Variants in GRIK1 observed in about 807,000 individuals in gnomAD.
GRIK1 encodes the protein glutamate ionotropic receptor kainate type subunit 1.
Under a neutral mutation model 105.7 loss-of-function variants are expected in GRIK1, and 69 were observed. That is an observed-to-expected ratio of 0.65 (90% CI 0.54 to 0.80). The LOEUF (loss-of-function observed/expected upper bound fraction) is 0.80, where lower values mean the gene tolerates loss of function less well. Among genes scored for constraint, GRIK1 ranks in the 30% least tolerant of loss-of-function variants. GRIK1 has a pLI of 0.00. For synonymous variants in GRIK1, 438 were observed against 431.3 expected (o/e 1.02, Z -0.19); for missense variants, 1,109 against 1,167.3 (o/e 0.95, Z 0.73).
chr21:29,867,961 TGA>T (rs2068879869), intron 1 of GRIK1, among the ~76,000 whole-genome samples: 1 of 52,630 alleles, frequency 1.9e-5, no homozygotes, highest in Non-Finnish European at 3.6e-5. Context: ...AGAGAGAAAA[TGA>T]GAGAGAAAAA....
At chr21:29,875,077 A>G (rs2069147493) in intron 1 of GRIK1, among the ~76,000 whole-genome samples, 1 of 143,978 alleles carries the variant, frequency 6.9e-6, no homozygotes, top group African/African-American at 2.5e-5. Context: ...TCTTTTTCTC[A>G]TTTTCTCCAA....
intron 7 of GRIK1, among the ~76,000 whole-genome samples, chr21:29,630,283 G>A (rs2062236501): frequency 6.6e-6 from 1 of 152,168 alleles, no homozygotes; most frequent in Non-Finnish European, 1.5e-5. Context: ...ATTCTGAGAT[G>A]AACCTCTGTG....
At chr21:29,804,772 A>G (rs1195158111) in intron 1 of GRIK1, among the ~76,000 whole-genome samples, 1 of 152,182 alleles carries the variant, frequency 6.6e-6, no homozygotes, top group East Asian at 1.9e-4. Context: ...GTGTGTGTAA[A>G]AAGAAAGGTA....
At position 29,607,293 on chromosome 21, in the gene GRIK1, A is replaced by T. The variant is rs559030778; in HGVS notation, c.1099-8356T>A. Among the ~76,000 whole-genome samples the T allele has an allele frequency of 3.9e-4, 60 of 151,970 alleles. 1 individual carries two copies. The highest frequency in any genetic ancestry group is 1.4e-3 in the Admixed American group (21 of 15,234). On this transcript the variant is annotated intron_variant, in intron 7 of 17. Transcript: ENST00000327783. The stretch of plus-strand genomic sequence containing the variant: ...TCAGGTTCACTGGAAATGACAACCA[A>T]CCTTTCTGTCCTCCTGAGTTATTGT...
rs529445731 is a variant in GRIK1 at position 29,780,567 on chromosome 21, C to A, written c.119-86504G>T. On this transcript the variant is annotated intron_variant, in intron 1 of 17. Coordinates refer to ENST00000327783, the MANE Select transcript of GRIK1 (RefSeq NM_001330994.2). ...AGTAGCGGAGAATTTGCTAGGTATC[C>A]CTGCCTGCGACAATAGAAACAGAAG... 4.6e-5 allele frequency among the ~76,000 whole-genome samples: 7 copies of A among 152,244 alleles called. No individual in the cohort carries two copies. The South Asian group carries it at 1.2e-3, about 27-fold the overall frequency.
At chr21:29,766,307 G>T (rs989497731) in intron 1 of GRIK1, among the ~76,000 whole-genome samples, 1 of 152,118 alleles carries the variant, frequency 6.6e-6, no homozygotes, top group East Asian at 1.9e-4. Flanking sequence ...CTACATTTTG[G>T]CATTATCTGA....
At chr21:29,805,145 C>T (rs1480860649) in intron 1 of GRIK1, among the ~76,000 whole-genome samples, 1 of 152,102 alleles carries the variant, frequency 6.6e-6, no homozygotes, top group Non-Finnish European at 1.5e-5. Context: ...ACCACCCCTC[C>T]ACCCCCTGCA....
intron 15 of GRIK1, among the ~76,000 whole-genome samples, chr21:29,560,325 TTCTTTCTTTCTTTCTTTC>T (rs2090373629): frequency 8.1e-6 from 1 of 122,950 alleles, no homozygotes; most frequent in Non-Finnish European, 1.6e-5. Context: ...CTTTCTTTCT[TTCTTTCTTTCTTTCTTTC>T]TTTCTTTCTT....
intron 11 of GRIK1, among the ~76,000 whole-genome samples, 189 bp from the exon 12 acceptor site, chr21:29,587,778 A>G (rs540039312): frequency 2.6e-5 from 4 of 152,230 alleles, no homozygotes; most frequent in African/African-American, 9.6e-5. Flanking sequence ...ATCAGCAAAG[A>G]GAAACCAGAA....
At chr21:29,703,274 G>A (rs573506879) in intron 1 of GRIK1, among the ~76,000 whole-genome samples, 63 of 152,318 alleles carry the variant, frequency 4.1e-4, no homozygotes, top group African/African-American at 1.4e-3. Context: ...AGGAAGAAAG[G>A]TAAAACCATT....
intron 12 of GRIK1, among the ~76,000 whole-genome samples, chr21:29,586,075 G>A (rs915474695): frequency 6.6e-6 from 1 of 152,148 alleles, no homozygotes; most frequent in African/African-American, 2.4e-5. Flanking sequence ...AATCCCTCCT[G>A]GTTGAGAACC....
chr21:29,565,163 C>A (rs1002378108), intron 14 of GRIK1, among the ~76,000 whole-genome samples: 5 of 152,176 alleles, frequency 3.3e-5, no homozygotes, highest in South Asian at 2.1e-4. Context: ...ATTCCTTTGA[C>A]CCCTTGCTAT....
chr21:29,744,054 C>G (rs944825568), intron 1 of GRIK1, among the ~76,000 whole-genome samples: 1 of 152,124 alleles, frequency 6.6e-6, no homozygotes, highest in African/African-American at 2.4e-5. Context: ...TGTAATCAAC[C>G]TGCACTTGTA....
chr21:29,572,168 C>G (rs1046582030), intron 14 of GRIK1, among the ~76,000 whole-genome samples: 1 of 152,090 alleles, frequency 6.6e-6, no homozygotes. Context: ...GCAAAAAAGC[C>G]GAAACTTTTC....
At chr21:29,719,477 G>A (rs1394047648) in intron 1 of GRIK1, among the ~76,000 whole-genome samples, 1 of 152,020 alleles carries the variant, frequency 6.6e-6, no homozygotes, top group East Asian at 1.9e-4. Context: ...ACATTTCTTT[G>A]TAAAAAATAT....
chr21:29,714,941 T>G (rs1329994383), intron 1 of GRIK1, among the ~76,000 whole-genome samples: 1 of 152,176 alleles, frequency 6.6e-6, no homozygotes, highest in Non-Finnish European at 1.5e-5. Context: ...CAATACCTAA[T>G]CTTTCAGAAT....
intron 1 of GRIK1, among the ~76,000 whole-genome samples, chr21:29,905,619 A>ATTTTT (rs869179451): frequency 2.2e-4 from 16 of 72,578 alleles, no homozygotes; most frequent in Admixed American, 3.8e-4. Context: ...CAAATTTTGT[A>ATTTTT]TTTTTTTTTT....
intron 1 of GRIK1, among the ~76,000 whole-genome samples, chr21:29,917,976 T>A (rs1478467731): frequency 6.6e-6 from 1 of 152,034 alleles, no homozygotes; most frequent in African/African-American, 2.4e-5. Flanking sequence ...AAGAGATTAT[T>A]TTTAATTCAA....
chr21:29,853,741 T>C (rs543317980), intron 1 of GRIK1, among the ~76,000 whole-genome samples: 3 of 152,286 alleles, frequency 2.0e-5, no homozygotes, highest in Admixed American at 6.5e-5. Context: ...CCATTCTGCA[T>C]TGGGAAAATA....
Sources: gnomAD v4.1 joint callset for allele counts (sites outside exome capture counted in the v4.1 genomes callset) on GRCh38, gnomAD v4.1.1 for gene constraint, MANE v1.5 for transcripts, NCBI Gene and HGNC (gene_info 2026-07-23, HGNC 2026-07-21) for gene names.